Variants in SDCBP2 observed in about 807,000 individuals in gnomAD.
SDCBP2 encodes the protein syntenin-2.
Under a neutral mutation model 30.7 loss-of-function variants are expected in SDCBP2, and 28 were observed. The ratio of observed to expected loss-of-function variants is 0.91; its 90% CI spans 0.68 to 1.25. The LOEUF is 1.25. SDCBP2 is among the 50% of genes most tolerant of loss of function. The pLI is 0.00. For missense variants in SDCBP2, 399 were observed against 379.0 expected, an observed-to-expected ratio of 1.05 and a Z score of -0.44; for synonymous variants, 166 against 157.3, an observed-to-expected ratio of 1.06 and a Z score of -0.41.
intron 2 of SDCBP2, among the ~76,000 whole-genome samples, 168 bp from the exon 3 acceptor site, chr20:1,319,827 C>T (rs971214997): frequency 2.0e-5 from 3 of 152,196 alleles, no homozygotes; most frequent in Admixed American, 6.5e-5. Context: ...ACGTGGCCTC[C>T]GCAGATGTGT....
intron 5 of SDCBP2, chr20:1,312,963 G>C (rs777032926): frequency 5.1e-5 from 32 of 624,192 alleles, no homozygotes; most frequent in Non-Finnish European, 8.6e-5. Flanking sequence ...AGGTGAGTCA[G>C]GATTTCAACC....
At chr20:1,325,776 T>G (rs2088915866) in intron 1 of SDCBP2, 1 of 152,142 alleles carries the variant, frequency 6.6e-6, no homozygotes, top group Non-Finnish European at 1.5e-5. Flanking sequence ...AAGCGTCAAG[T>G]CCCAAGGTAT....
chr20:1,317,454 T>C lies in SDCBP2; in HGVS notation c.225+864A>G, dbSNP rs142936529. On this transcript the variant is annotated intron_variant, in intron 4 of 8. Transcript: ENST00000360779. The stretch of plus-strand genomic sequence containing the variant: ...AAAATTACGGTTGAATGCATTTATG[T>C]CTTAATTATAGGAACAAAGAGTGAT... The C allele has an allele frequency of 2.6e-5, 4 of 152,374 alleles. No individual in the cohort carries two copies. The East Asian group carries it at 7.7e-4, about 29-fold the overall frequency. 9.4% of individuals were successfully genotyped at this position (152,374 alleles called of 1,614,324 possible).
At chr20:1,319,747 A>T (rs2088827852) in intron 2 of SDCBP2, 88 bp from the exon 3 acceptor site, 1 of 1,188,902 alleles carries the variant, frequency 8.4e-7, no homozygotes, top group Non-Finnish European at 1.2e-6. Flanking sequence ...GGGTCTGGGC[A>T]TTAGGGGTGT....
chr20:1,327,148 G>C (rs542852556), intron 1 of SDCBP2, among the ~76,000 whole-genome samples: 1 of 152,228 alleles, frequency 6.6e-6, no homozygotes, highest in Non-Finnish European at 1.5e-5. Flanking sequence ...CTCTCTCAGA[G>C]GAATTTTCCT....
chr20:1,313,137 G>C lies in SDCBP2; in HGVS notation c.384+203C>G. On this transcript the variant is annotated intron_variant, in intron 5 of 8. Transcript: ENST00000360779. The surrounding 1 kb of genome is among the most constrained non-coding windows in gnomAD (Gnocchi z 5.2). ...TCCGAGCGACGGAAGCCCACGGAGA[G>C]GCCAGTGGAGGGCCCTGCGCAACCC... 1.6e-6 allele frequency: 1 copy of C among 623,126 alleles called. No individual in the cohort carries two copies. The highest frequency in any genetic ancestry group is 2.0e-5 in the South Asian group (1 of 51,082). The allele number at this position is 623,126 out of a possible 1,614,324, so 38.6% of individuals were successfully genotyped here. A position where few individuals can be genotyped will look rare whatever the true frequency, so the allele number is the denominator to read the frequency against.
intron 7 of SDCBP2, among the ~76,000 whole-genome samples, chr20:1,311,895 ACT>A: frequency 1.7e-5 from 1 of 57,770 alleles, no homozygotes; most frequent in East Asian, 4.6e-4. Context: ...CTCTAGGTAC[ACT>A]GTCTTTTTTT....
At chr20:1,314,513 G>GAAAAAA (rs2088743682) in intron 4 of SDCBP2, among the ~76,000 whole-genome samples, 1 of 84,082 alleles carries the variant, frequency 1.2e-5, no homozygotes, top group Non-Finnish European at 2.5e-5. Context: ...AAAAAAAAAG[G>GAAAAAA]AAAGGAAAGG....
In SDCBP2 at chr20:1,318,782, T is replaced by C. The variant is rs1206308905; in HGVS notation, c.125-364A>G. Among the ~76,000 whole-genome samples the C allele has an allele frequency of 3.3e-5, 5 of 152,324 alleles. No individual in the cohort carries two copies. The South Asian group carries it at 6.2e-4, about 19-fold the overall frequency. ...GAAGAGACAACAGAGGGCTCATGCA[T>C]GCGCTCTCATGCTGTATCTCTCTCG... On this transcript the variant is annotated intron_variant, in intron 3 of 8. Transcript: ENST00000360779.
At chr20:1,316,681 C>T (rs1223294591) in intron 4 of SDCBP2, among the ~76,000 whole-genome samples, 1 of 152,198 alleles carries the variant, frequency 6.6e-6, no homozygotes, top group Non-Finnish European at 1.5e-5. Flanking sequence ...TGCACCACCA[C>T]ACCTGGTGGC....
At position 1,320,159 on chromosome 20, in the gene SDCBP2, C is replaced by T. The variant is rs2088832728; in HGVS notation, c.54+204G>A. 6.6e-6 allele frequency among the ~76,000 whole-genome samples: 1 copy of T among 152,190 alleles called. No homozygotes were observed. ...AGCAGGCATGAGAGAGGCATGCGTGCGCTGCTTGGTCTTTTCTATTCTTGC... is the reference window on the plus strand; with the variant it reads ...AGCAGGCATGAGAGAGGCATGCGTGTGCTGCTTGGTCTTTTCTATTCTTGC... On this transcript the variant is annotated intron_variant, in intron 2 of 8. Coordinates refer to ENST00000360779, the MANE Select transcript of SDCBP2 (RefSeq NM_080489.5). The surrounding 1 kb of genome is among the most constrained non-coding windows in gnomAD (Gnocchi z 4.7).
Position 1,313,401 on chromosome 20 carries a change from T to G in SDCBP2, c.323A>C (p.Glu108Ala). Reference sequence around the variant, plus strand: ...GCGCTCGTCCTTGCACAGGTGGATCTCGCGCACCCCGGGCTTGATCTCAGC... The same window carrying G: ...GCGCTCGTCCTTGCACAGGTGGATCGCGCGCACCCCGGGCTTGATCTCAGC... ...RRAEIKPGVR[E>A]IHLCKDERGK... The change falls in exon 5 of 9, where the codon GAG (glutamate) becomes GCG (alanine). Residue 108 changes from glutamate (E) to alanine (A), a missense_variant. By Grantham distance (107) the Glu-to-Ala change is moderately radical. Coordinates refer to ENST00000360779, the MANE Select transcript of SDCBP2 (RefSeq NM_080489.5). The surrounding 1 kb of genome is among the most constrained non-coding windows in gnomAD (Gnocchi z 5.2). 1 of 1,609,844 alleles carries G rather than the reference T, an allele frequency of 6.2e-7. No homozygotes were observed. The highest frequency in any genetic ancestry group is 8.5e-7 in the Non-Finnish European group (1 of 1,178,996).
chr20:1,312,395 C>T lies in SDCBP2; in HGVS notation c.674G>A (p.Gly225Glu). 1 of 1,613,448 alleles carries T rather than the reference C, an allele frequency of 6.2e-7. No individual in the cohort carries two copies. Residue 225 changes from glycine to glutamate, a missense_variant, in exon 7 of 9, where the codon GGG (glycine) becomes GAG (glutamate). Physicochemically the swap from Gly to Glu is moderately conservative, Grantham distance 98. Coordinates refer to ENST00000360779, the MANE Select transcript of SDCBP2 (RefSeq NM_080489.5). Reference sequence around the variant, plus strand: ...ACACACGTAGTGGTTGGTGAGGAGCCCGTTGCGGGCCGCAGAACTCCCTTT... The same window carrying T: ...ACACACGTAGTGGTTGGTGAGGAGCTCGTTGCGGGCCGCAGAACTCCCTTT... Reference protein sequence around the residue: ...LVKGSSAARNGLLTNHYVCEV... With the variant: ...LVKGSSAARNELLTNHYVCEV...
At chr20:1,310,968 A>G in intron 7 of SDCBP2, 77 bp from the exon 8 acceptor site, 3 of 1,055,236 alleles carry the variant, frequency 2.8e-6, no homozygotes, top group East Asian at 2.5e-5. Context: ...CTGTGGAGGG[A>G]TCAGCATGGC....
chr20:1,320,372 T>C lies in SDCBP2; in HGVS notation c.45A>G (p.Gln15=), dbSNP rs571603255. ...GGGCCTGGCGACTTACCTGAATGGCTTGGTCCACTTTTAGGTCCTCTAGAG... is the reference window on the plus strand; with the variant it reads ...GGGCCTGGCGACTTACCTGAATGGCCTGGTCCACTTTTAGGTCCTCTAGAG... ...YPSLEDLKVD[Q]AIQAQVRASP... Residue 15 remains glutamine, a synonymous_variant, in exon 2 of 9, where the codon CAA becomes CAG. Coordinates refer to ENST00000360779, the MANE Select transcript of SDCBP2 (RefSeq NM_080489.5). This position sits in a 1 kb window ranked among gnomAD's most constrained non-coding sequence, Gnocchi z 4.7. 6.2e-7 allele frequency: 1 copy of C among 1,614,000 alleles called. No individual in the cohort carries two copies. Among genetic ancestry groups the C allele is most frequent in the Non-Finnish European group, 8.5e-7 (1 of 1,179,906 alleles).
At chr20:1,314,817 C>T (rs1207566908) in intron 4 of SDCBP2, among the ~76,000 whole-genome samples, 1 of 152,054 alleles carries the variant, frequency 6.6e-6, no homozygotes, top group Non-Finnish European at 1.5e-5. Context: ...CATACAGGAA[C>T]CGTATGCTGA....
At position 1,320,626 on chromosome 20, in the gene SDCBP2, C is replaced by T; in HGVS notation, c.-19-191G>A. On this transcript the variant is annotated intron_variant, in intron 1 of 8. Transcript: ENST00000360779. The surrounding 1 kb of genome is among the most constrained non-coding windows in gnomAD (Gnocchi z 4.7). Reference sequence around the variant, plus strand: ...TATTTGAACTCTACTGTATTCCACTCATCTCCAGCCTCACTGTCAACTTTT... The same window carrying T: ...TATTTGAACTCTACTGTATTCCACTTATCTCCAGCCTCACTGTCAACTTTT... The T allele has an allele frequency of 2.2e-6, 1 of 463,230 alleles. No homozygotes were observed. Among genetic ancestry groups the T allele is most frequent in the Non-Finnish European group, 3.9e-6 (1 of 258,604 alleles). The allele number at this position is 463,230 out of a possible 1,614,324, so 28.7% of individuals were successfully genotyped here.
chr20:1,328,018 G>T lies in SDCBP2; in HGVS notation c.-20+1067C>A, dbSNP rs991434486. On this transcript the variant is annotated intron_variant, in intron 1 of 8. Coordinates refer to ENST00000360779, the MANE Select transcript of SDCBP2 (RefSeq NM_080489.5). ...GAGAAAGAGCAGGACGGAGGGTCAT[G>T]TCAGGAGGTTCAGAAGCCTTGCTGG... 7.2e-5 allele frequency among the ~76,000 whole-genome samples: 11 copies of T among 152,318 alleles called. No individual in the cohort carries two copies. In the South Asian group the frequency reaches 2.3e-3, roughly 32 times the overall value.
intron 1 of SDCBP2, among the ~76,000 whole-genome samples, chr20:1,328,605 T>A (rs960761582): frequency 1.3e-5 from 2 of 152,164 alleles, no homozygotes; most frequent in Non-Finnish European, 2.9e-5. Flanking sequence ...AAGAAACCAG[T>A]TCTTAGAAAG....
Sources: allele counts gnomAD v4.1 joint callset (sites outside exome capture counted in the v4.1 genomes callset), GRCh38; gene constraint gnomAD v4.1.1; non-coding constraint Gnocchi (gnomAD v3.1); transcripts MANE v1.5; gene names NCBI Gene and HGNC (gene_info 2026-07-23, HGNC 2026-07-21).